BEND3: variants seen among roughly 807,000 people sequenced by gnomAD.
BEND3 encodes the protein BEN domain containing 3, also known as BEN domain-containing protein 3.
Under a neutral mutation model 60.1 loss-of-function variants are expected in BEND3, and 13 were observed. The observed-to-expected ratio is 0.22, with a 90% CI of 0.14 to 0.34. BEND3 has a LOEUF of 0.34. Ranked by LOEUF, BEND3 falls within the 10% of genes least tolerant of loss-of-function variation. The pLI, the probability that BEND3 is intolerant of heterozygous loss-of-function variation, is 1.00. For missense variants in BEND3, 896 were observed against 1,138.1 expected (o/e 0.79, Z 3.06); for synonymous variants, 497 against 491.5 (o/e 1.01, Z -0.15).
chr6:107,112,298 T>C (rs1392550457), intron 1 of BEND3, among the ~76,000 whole-genome samples: 1 of 152,130 alleles, frequency 6.6e-6, no homozygotes, highest in Non-Finnish European at 1.5e-5. Context: ...ATTTTTCTCT[T>C]TGTAATTATT....
chr6:107,108,929 C>T (rs551172004), intron 1 of BEND3, among the ~76,000 whole-genome samples: 32 of 152,218 alleles, frequency 2.1e-4, no homozygotes, highest in Middle Eastern at 3.4e-3. Flanking sequence ...CTCAGCCTCC[C>T]GAGTAGCTGG....
intron 3 of BEND3, among the ~76,000 whole-genome samples, chr6:107,096,635 A>C (rs1161798685): frequency 1.3e-5 from 2 of 152,162 alleles, no homozygotes; most frequent in Non-Finnish European, 2.9e-5. Context: ...CAATCAATTA[A>C]AAATAAAAAT....
Position 107,094,621 on chromosome 6 carries a change from C to CATAAATAA in BEND3, c.240+3922_240+3929dup, listed in dbSNP as rs144954565. Among the ~76,000 whole-genome samples the CATAAATAA allele has an allele frequency of 5.6e-3, 783 of 139,798 alleles. 1 individual carries two copies. The highest frequency in any genetic ancestry group is 7.1e-3 in the Non-Finnish European group (461 of 65,216). The allele number at this position is 139,798 out of a possible 152,430, so 91.7% of individuals were successfully genotyped here. ...GGGCAACAAGAGCAAAACTCCATCT[C>CATAAATAA]ATAAATAAATAAATAAATAAATAAA... On this transcript the variant is annotated intron_variant, in intron 3 of 3. Transcript: ENST00000369042.
chr6:107,112,082 C>T (rs1554238498), intron 1 of BEND3, among the ~76,000 whole-genome samples: 1 of 152,092 alleles, frequency 6.6e-6, no homozygotes, highest in African/African-American at 2.4e-5. Context: ...GGTTGGCTAG[C>T]GACCTTCATA....
intron 3 of BEND3, among the ~76,000 whole-genome samples, chr6:107,085,045 G>A (rs1775313749): frequency 6.6e-6 from 1 of 152,178 alleles, no homozygotes; most frequent in Non-Finnish European, 1.5e-5. Flanking sequence ...CATCACGACG[G>A]TCTGCGGCTT....
intron 3 of BEND3, among the ~76,000 whole-genome samples, chr6:107,089,729 G>C (rs1428177391): frequency 6.6e-6 from 1 of 151,398 alleles, no homozygotes; most frequent in Non-Finnish European, 1.5e-5. Flanking sequence ...TGAGTAGCTG[G>C]GATAAGAGGC....
chr6:107,072,070 CT>C (rs1271935572), intron 3 of BEND3, among the ~76,000 whole-genome samples: 1 of 152,162 alleles, frequency 6.6e-6, no homozygotes, highest in Non-Finnish European at 1.5e-5. Flanking sequence ...GACCCAGATA[CT>C]TATGTAAATG....
chr6:107,070,666 C>T lies in BEND3; in HGVS notation c.525G>A (p.Gln175=). The T allele has an allele frequency of 2.5e-6, 4 of 1,612,820 alleles. No homozygotes were observed. Among genetic ancestry groups the T allele is most frequent in the Non-Finnish European group, 3.4e-6 (4 of 1,180,000 alleles). ...CCCCGGTGCTGCCACAGTCCCGCTT[C>T]TGTGGCTCATTCAGGAGCCGCAGTG... The part of the protein sequence containing the change: ...PSSLRLLNEP[Q]KRDCGSTGAG... The change falls in exon 4 of 4, where the codon CAG becomes CAA. Residue 175 remains glutamine, a synonymous_variant. Coordinates refer to ENST00000369042, the MANE Select transcript of BEND3 (RefSeq NM_001367314.1). This position sits in a 1 kb window ranked among gnomAD's most constrained non-coding sequence, Gnocchi z 6.9.
At chr6:107,106,888 G>A (rs2115036295) in intron 1 of BEND3, among the ~76,000 whole-genome samples, 1 of 149,108 alleles carries the variant, frequency 6.7e-6, no homozygotes, top group African/African-American at 2.5e-5. Context: ...GATTTCAGAT[G>A]CAAGCCACCA....
rs1774818099 is a variant in BEND3 at position 107,065,941 on chromosome 6, G to T, written c.*2763C>A. On this transcript the variant is annotated 3_prime_UTR_variant, in exon 4 of 4. Transcript: ENST00000369042. The stretch of plus-strand genomic sequence containing the variant: ...GACACAGCCAAGGTGAACTGAAGGG[G>T]GATGCGAACACTCAGTACATTCGTG... 1 of 152,314 alleles carries T rather than the reference G, an allele frequency of 6.6e-6. No individual in the cohort carries two copies. Among genetic ancestry groups the T allele is most frequent in the Non-Finnish European group, 1.5e-5 (1 of 68,034 alleles). The allele number at this position is 152,314 out of a possible 1,614,324, so 9.4% of individuals were successfully genotyped here.
chr6:107,069,443 G>A lies in BEND3; in HGVS notation c.1748C>T (p.Pro583Leu). The A allele has an allele frequency of 6.2e-7, 1 of 1,612,518 alleles. No individual in the cohort carries two copies. Residue 583 changes from proline (P) to leucine (L), a missense_variant, in exon 4 of 4, where the codon CCC becomes CTC. Pro to Leu is a moderately conservative substitution (Grantham distance 98). Around this residue, in one of 4 missense-constraint regions of BEND3, gnomAD observed 846 missense variants for 1,036.7 expected, o/e 0.82. Coordinates refer to ENST00000369042, the MANE Select transcript of BEND3 (RefSeq NM_001367314.1). ...CAGGTTCTCGTGCGTGAAGAGCTCG[G>A]GGAACAGGTGCACCAGCAGGCGCGA... ...FASRLLVHLFPELFTHENLRK... is the reference protein window; with the variant it reads ...FASRLLVHLFLELFTHENLRK...
chr6:107,078,581 A>G (rs1554233071), intron 3 of BEND3, among the ~76,000 whole-genome samples: 19,711 of 98,014 alleles, frequency 0.2, 703 homozygotes, highest in East Asian at 0.24. Context: ...CAGCCTCCCA[A>G]AGTGCTGGGA....
At chr6:107,095,301 A>T (rs1554235816) in intron 3 of BEND3, among the ~76,000 whole-genome samples, 1 of 152,154 alleles carries the variant, frequency 6.6e-6, no homozygotes, top group Non-Finnish European at 1.5e-5. Flanking sequence ...AGCCTGGGCA[A>T]CATAGTGAGA....
chr6:107,097,721 C>A (rs1328667392), intron 3 of BEND3, among the ~76,000 whole-genome samples: 1 of 134,016 alleles, frequency 7.5e-6, no homozygotes, highest in Non-Finnish European at 1.5e-5. Flanking sequence ...ACCTAGGAGG[C>A]AGAGGTTGCT....
chr6:107,074,642 T>C (rs1775062388), intron 3 of BEND3, among the ~76,000 whole-genome samples: 1 of 152,116 alleles, frequency 6.6e-6, no homozygotes, highest in African/African-American at 2.4e-5. Flanking sequence ...TTAAGCCCTT[T>C]ATGTTTCTTC....
In BEND3 at chr6:107,069,493, G is replaced by A. The variant is rs1774912416; in HGVS notation, c.1698C>T (p.Ser566=). The A allele has an allele frequency of 6.2e-7, 1 of 1,612,940 alleles. No individual in the cohort carries two copies. The highest frequency in any genetic ancestry group is 1.7e-5 in the Admixed American group (1 of 60,008). The part of the protein sequence containing the change: ...SKEQLRSIYE[S]SLSIGNFASR... ...AGGCGAAGTTGCCGATGGACAGGCT[G>A]CTCTCGTAGATGCTGCGTAGCTGCT... The change falls in exon 4 of 4, where the codon AGC becomes AGT. Residue 566 remains serine, a synonymous_variant. Transcript: ENST00000369042.
Position 107,070,765 on chromosome 6 carries a change from C to T in BEND3, c.426G>A (p.Lys142=), listed in dbSNP as rs781861986. The T allele has an allele frequency of 1.2e-6, 2 of 1,614,114 alleles. No individual in the cohort carries two copies. Among genetic ancestry groups the T allele is most frequent in the Non-Finnish European group, 1.7e-6 (2 of 1,180,022 alleles). The part of the protein sequence containing the change: ...YGISHKIMEK[K]NPPSGDLLNV... ...TTAGCAGGTCCCCCGAGGGAGGATT[C>T]TTCTTCTCCATGATCTTGTGCGAGA... The change falls in exon 4 of 4, where the codon AAG becomes AAA. Residue 142 remains lysine (K), a synonymous_variant. Coordinates refer to ENST00000369042, the MANE Select transcript of BEND3 (RefSeq NM_001367314.1). The surrounding 1 kb of genome is among the most constrained non-coding windows in gnomAD (Gnocchi z 6.9).
At chr6:107,090,599 C>T (rs888434578) in intron 3 of BEND3, among the ~76,000 whole-genome samples, 1 of 152,000 alleles carries the variant, frequency 6.6e-6, no homozygotes, top group Non-Finnish European at 1.5e-5. Flanking sequence ...CGCGTGTGCA[C>T]GCACTTATAT....
intron 3 of BEND3, among the ~76,000 whole-genome samples, chr6:107,093,386 G>A (rs1386730471): frequency 4.6e-5 from 7 of 152,144 alleles, no homozygotes; most frequent in African/African-American, 9.6e-5. Flanking sequence ...GTGTGAACCC[G>A]GGAGGCGGAG....
Sources: allele counts gnomAD v4.1 joint callset (sites outside exome capture counted in the v4.1 genomes callset), GRCh38; gene constraint gnomAD v4.1.1; regional missense constraint gnomAD v4.1.1; non-coding constraint Gnocchi (gnomAD v3.1); transcripts MANE v1.5; gene names NCBI Gene and HGNC (gene_info 2026-07-23, HGNC 2026-07-21).